The following CORO1C variants were observed in gnomAD, a reference collection of about 807,000 sequenced individuals.
The protein encoded by CORO1C is coronin 1C, also known as coronin-1C.
A neutral mutation model predicts 51.2 loss-of-function variants in CORO1C; 14 were observed. That is an observed-to-expected ratio of 0.27 (90% CI 0.18 to 0.43). CORO1C has a LOEUF of 0.43. Ranked by LOEUF, CORO1C falls within the 20% of genes least tolerant of loss-of-function variation. The pLI is 1.00. For synonymous variants in CORO1C, 181 were observed against 210.5 expected, an observed-to-expected ratio of 0.86 and a Z score of 1.21; for missense variants, 417 against 607.8, an observed-to-expected ratio of 0.69 and a Z score of 3.30.
At chr12:108,714,166 G>A (rs562316014) in intron 1 of CORO1C, among the ~76,000 whole-genome samples, 20 of 151,588 alleles carry the variant, frequency 1.3e-4, no homozygotes, top group Admixed American at 7.2e-4. Flanking sequence ...CGAGGTGGGC[G>A]GATCACGAAG....
chr12:108,647,940 T>G, intron 10 of CORO1C, among the ~76,000 whole-genome samples: 1 of 107,458 alleles, frequency 9.3e-6, no homozygotes, highest in Non-Finnish European at 1.9e-5. Context: ...GCTACAGAGC[T>G]CCTGCCATCT....
At chr12:108,697,207 A>G (rs2034715864) in intron 2 of CORO1C, among the ~76,000 whole-genome samples, 1 of 152,174 alleles carries the variant, frequency 6.6e-6, no homozygotes, top group Non-Finnish European at 1.5e-5. Flanking sequence ...TTCAAATGGG[A>G]GCCTTTCTGA....
In CORO1C at chr12:108,648,578, G is replaced by T. The variant is rs139820945; in HGVS notation, c.1305+27C>A. On this transcript the variant is annotated intron_variant, in intron 10 of 10. Transcript: ENST00000261401. ...AGAGGATAAAGCCTGAACCAGCCAAGCACCCCTGCACTCCACTGGTCCTCA... is the reference window on the plus strand; with the variant it reads ...AGAGGATAAAGCCTGAACCAGCCAATCACCCCTGCACTCCACTGGTCCTCA... The T allele has an allele frequency of 0.012, 19,552 of 1,613,180 alleles. 144 individuals carry two copies. The highest frequency in any genetic ancestry group is 0.015 in the Non-Finnish European group (18,040 of 1,179,492).
At chr12:108,729,274 C>T (rs2035661599) in intron 1 of CORO1C, among the ~76,000 whole-genome samples, 1 of 152,008 alleles carries the variant, frequency 6.6e-6, no homozygotes, top group Non-Finnish European at 1.5e-5. Flanking sequence ...TCACTGACAC[C>T]GAATCTAATC....
intron 6 of CORO1C, among the ~76,000 whole-genome samples, chr12:108,655,997 G>A (rs755464033): frequency 9.6e-4 from 142 of 148,136 alleles, no homozygotes; most frequent in Non-Finnish European, 1.7e-3. Flanking sequence ...CCGCCGCCCC[G>A]TCTGGGATGT....
intron 6 of CORO1C, among the ~76,000 whole-genome samples, chr12:108,655,358 TTCCCCC>T (rs963914875): frequency 1.5e-4 from 19 of 127,630 alleles, no homozygotes; most frequent in South Asian, 2.8e-4. Flanking sequence ...CCCTCTCCCC[TTCCCCC>T]TCCCCCTCCC....
At chr12:108,720,848 C>T (rs527951148) in intron 1 of CORO1C, among the ~76,000 whole-genome samples, 78 of 152,122 alleles carry the variant, frequency 5.1e-4, no homozygotes, top group Non-Finnish European at 9.1e-4. Flanking sequence ...TAGTCCTAGG[C>T]CATAGAAAAC....
At chr12:108,686,312 C>G (rs996515218) in intron 2 of CORO1C, among the ~76,000 whole-genome samples, 22 of 152,192 alleles carry the variant, frequency 1.4e-4, no homozygotes, top group Middle Eastern at 3.2e-3. Flanking sequence ...AACCTCTAAG[C>G]AGCAAATTTA....
chr12:108,706,852 G>A (rs1323749417), intron 1 of CORO1C, among the ~76,000 whole-genome samples: 4 of 152,154 alleles, frequency 2.6e-5, no homozygotes, highest in Non-Finnish European at 5.9e-5. Flanking sequence ...ACAAAGTGCT[G>A]GGATTACAGG....
intron 2 of CORO1C, chr12:108,700,822 T>C (rs2034842785): frequency 3.9e-6 from 1 of 254,810 alleles, no homozygotes; most frequent in South Asian, 9.6e-5. Context: ...AAAATTTTTG[T>C]GAAAAGCAGA....
chr12:108,706,819 G>A (rs954410898), intron 1 of CORO1C, among the ~76,000 whole-genome samples: 1 of 152,118 alleles, frequency 6.6e-6, no homozygotes, highest in East Asian at 1.9e-4. Context: ...CTTGACCGCA[G>A]GTGATCCTCC....
chr12:108,718,263 G>C (rs2035387972), intron 1 of CORO1C, among the ~76,000 whole-genome samples: 1 of 152,074 alleles, frequency 6.6e-6, no homozygotes, highest in African/African-American at 2.4e-5. Context: ...TGAGGCAGGA[G>C]AATGGCATGA....
At position 108,658,966 on chromosome 12, in the gene CORO1C, T is replaced by C. The variant is rs1363666386; in HGVS notation, c.449-47A>G. ...GAGATTAGAAGATTAGAAACACCTA[T>C]GTAACACACTCAGAAAACTACAGAT... is the stretch of plus-strand genomic sequence containing the variant. On this transcript the variant is annotated intron_variant, in intron 4 of 10. Coordinates refer to ENST00000261401, the MANE Select transcript of CORO1C (RefSeq NM_014325.4). This position sits in a 1 kb window ranked among gnomAD's most constrained non-coding sequence, Gnocchi z 4.9. The C allele has an allele frequency of 1.9e-6, 3 of 1,565,192 alleles. No individual in the cohort carries two copies. The highest frequency in any genetic ancestry group is 1.7e-5 in the Admixed American group (1 of 58,332).
intron 1 of CORO1C, among the ~76,000 whole-genome samples, chr12:108,716,928 T>G (rs936830990): frequency 3.3e-5 from 5 of 152,248 alleles, no homozygotes; most frequent in Non-Finnish European, 5.9e-5. Context: ...CCTAGCACCA[T>G]GCTAGACATG....
intron 3 of CORO1C, among the ~76,000 whole-genome samples, chr12:108,672,221 C>T (rs1592878760): frequency 1.3e-5 from 2 of 152,332 alleles, no homozygotes; most frequent in East Asian, 1.9e-4. Flanking sequence ...GCAAGATTGA[C>T]ACAATGATTG....
chr12:108,650,370 G>A (rs993312520), intron 8 of CORO1C, among the ~76,000 whole-genome samples: 1 of 151,756 alleles, frequency 6.6e-6, no homozygotes, highest in Non-Finnish European at 1.5e-5. Flanking sequence ...TGTAGAGACA[G>A]GGTCTCACTA....
chr12:108,709,772 CA>C lies in CORO1C; in HGVS notation c.-5-8450del, dbSNP rs377224378. Among the ~76,000 whole-genome samples, 50 of 152,192 alleles carry C rather than the reference CA, an allele frequency of 3.3e-4. No individual in the cohort carries two copies. In the East Asian group the frequency reaches 8.9e-3, roughly 27 times the overall value. On this transcript the variant is annotated intron_variant, in intron 1 of 10. Coordinates refer to ENST00000261401, the MANE Select transcript of CORO1C (RefSeq NM_014325.4). ...AAATCCTGAACTAACACAATAGGCA[CA>C]AATTCCAAGGAAATACTAGGTATGA...
rs1452795208 is a variant in CORO1C at position 108,683,557 on chromosome 12, A to G, written c.196-5163T>C. On this transcript the variant is annotated intron_variant, in intron 2 of 10. Transcript: ENST00000261401. ...TTTAAAAGGGACATAACTTACAAAT[A>G]AAGTAGAAATTTACAGAGTATGAAA... 3.3e-5 allele frequency among the ~76,000 whole-genome samples: 5 copies of G among 152,220 alleles called. No homozygotes were observed. The East Asian group carries it at 9.6e-4, about 29-fold the overall frequency.
At chr12:108,695,851 T>TAAAAAAAAAAAAAAAAAAAAAAA (rs924887183) in intron 2 of CORO1C, among the ~76,000 whole-genome samples, 2 of 62,452 alleles carry the variant, frequency 3.2e-5, no homozygotes, top group African/African-American at 1.1e-4. Flanking sequence ...TTGGGAGAAC[T>TAAAAAAAAAAAAAAAAAAAAAAA]AAAAAAAAAA....
Sources: allele counts gnomAD v4.1 joint callset (sites outside exome capture counted in the v4.1 genomes callset), GRCh38; gene constraint gnomAD v4.1.1; non-coding constraint Gnocchi (gnomAD v3.1); transcripts MANE v1.5; gene names NCBI Gene and HGNC (gene_info 2026-07-23, HGNC 2026-07-21).